The following NAA11 variants were observed in gnomAD, a reference collection of about 807,000 sequenced individuals.
NAA11 encodes N-alpha-acetyltransferase 11.
A neutral mutation model predicts 16.1 loss-of-function variants in NAA11; 15 were observed. The observed-to-expected ratio is 0.93, with a 90% CI of 0.62 to 1.44. The LOEUF is 1.44. NAA11 is among the 40% of genes most tolerant of loss of function. The pLI, the probability that NAA11 is intolerant of heterozygous loss-of-function variation, is 0.00. For synonymous variants in NAA11, 122 were observed against 112.4 expected (o/e 1.09, Z -0.54); for missense variants, 298 against 291.3 (o/e 1.02, Z -0.17).
chr4:79,320,093 T>C (rs1724048725), intron 1 of NAA11, among the ~76,000 whole-genome samples: 1 of 152,214 alleles, frequency 6.6e-6, no homozygotes, highest in Admixed American at 6.5e-5. Context: ...ATATTTCTTG[T>C]CAAGAGATAA....
chr4:79,283,997 A>C (rs1322904740), intron 2 of NAA11, among the ~76,000 whole-genome samples: 1 of 148,634 alleles, frequency 6.7e-6, no homozygotes, highest in African/African-American at 2.6e-5. Flanking sequence ...TGAATGAATG[A>C]AGTGATTGAG....
At chr4:79,189,145 C>CAAA in the NAA11 span, among the ~76,000 whole-genome samples, 441 of 42,278 alleles carry the variant, frequency 0.01, 39 homozygotes, top group African/African-American at 0.028. Context: ...GACTCCATCT[C>CAAA]AAAAAAAAAA....
At chr4:79,222,765 C>T (rs1240413139), downstream of NAA11, among the ~76,000 whole-genome samples, 2 of 151,646 alleles carry the variant, frequency 1.3e-5, no homozygotes, top group Non-Finnish European at 1.5e-5. Context: ...GGCTAATATA[C>T]AGAATCTACA....
chr4:79,180,553 A>T, the NAA11 span, among the ~76,000 whole-genome samples: 6 of 152,190 alleles, frequency 3.9e-5, no homozygotes, highest in East Asian at 5.8e-4. Flanking sequence ...CCAGTTAGAA[A>T]GGCGATCATT....
chr4:79,308,743 A>G (rs974426143), intron 1 of NAA11: 5 of 152,058 alleles, frequency 3.3e-5, no homozygotes, highest in Admixed American at 6.6e-5. Context: ...TGTAATCCTT[A>G]TGTATTTACT....
At chr4:79,194,279 AT>A in the NAA11 span, among the ~76,000 whole-genome samples, 1 of 152,150 alleles carries the variant, frequency 6.6e-6, no homozygotes, top group Admixed American at 6.6e-5. Context: ...TTTTAATGAT[AT>A]TGATTATTCC....
intron 2 of NAA11, chr4:79,259,005 CA>C: frequency 5.4e-6 from 1 of 186,034 alleles, no homozygotes; most frequent in South Asian, 9.7e-5. Context: ...ATGAGAGCTG[CA>C]GAGACAGTGG....
the NAA11 span, among the ~76,000 whole-genome samples, chr4:79,208,848 A>G: frequency 6.6e-6 from 1 of 150,502 alleles, no homozygotes; most frequent in African/African-American, 2.4e-5. Flanking sequence ...GAAAATAAAA[A>G]TAAATAAATT....
At chr4:79,242,116 C>T (rs542028464) in intron 2 of NAA11, among the ~76,000 whole-genome samples, 3 of 152,296 alleles carry the variant, frequency 2.0e-5, no homozygotes, top group South Asian at 4.1e-4. Context: ...TCATCCCCTT[C>T]GAGTTTAAGT....
chr4:79,248,843 C>T (rs1274457018), intron 2 of NAA11, among the ~76,000 whole-genome samples: 1 of 152,188 alleles, frequency 6.6e-6, no homozygotes, highest in Non-Finnish European at 1.5e-5. Flanking sequence ...CACCAGCTCC[C>T]TGCCTTAACC....
At chr4:79,198,836 T>C in the NAA11 span, among the ~76,000 whole-genome samples, 1 of 151,956 alleles carries the variant, frequency 6.6e-6, no homozygotes, top group African/African-American at 2.4e-5. Context: ...CCAATTTTAA[T>C]TCTTGTGTAA....
the NAA11 span, among the ~76,000 whole-genome samples, chr4:79,176,494 T>C: frequency 6.6e-6 from 1 of 152,140 alleles, no homozygotes; most frequent in African/African-American, 2.4e-5. Flanking sequence ...GACAGTCTGC[T>C]GGCAGAGTTC....
chr4:79,156,329 G>GTGTATA, the NAA11 span, among the ~76,000 whole-genome samples: 6 of 149,282 alleles, frequency 4.0e-5, no homozygotes, highest in Non-Finnish European at 7.4e-5. Flanking sequence ...GTGTGTGTGT[G>GTGTATA]TATATATATA....
intron 2 of NAA11, among the ~76,000 whole-genome samples, chr4:79,259,848 C>T (rs1254857703): frequency 6.6e-6 from 1 of 152,160 alleles, no homozygotes; most frequent in Admixed American, 6.5e-5. Context: ...GTTGTTCTCC[C>T]TGACTTTTAT....
At chr4:79,188,869 G>A in the NAA11 span, among the ~76,000 whole-genome samples, 5 of 152,002 alleles carry the variant, frequency 3.3e-5, no homozygotes, top group Non-Finnish European at 5.9e-5. Context: ...ATGAATGAAG[G>A]GCGAAGAAGA....
rs1346421360 is a variant in NAA11, at chr4:79,325,942, AG to A, written c.-66del. On this transcript the variant is annotated 5_prime_UTR_variant, in exon 1 of 2. Transcript: ENST00000286794. ...CCAGAAGAGGCTGTCGCCGACCTTA[AG>A]GGGCACTGTTTGCCTCAGGAATCGA... The A allele has an allele frequency of 4.2e-6, 6 of 1,438,240 alleles. No individual in the cohort carries two copies. Among genetic ancestry groups the A allele is most frequent in the Non-Finnish European group, 5.7e-6 (6 of 1,056,292 alleles). The allele number at this position is 1,438,240 out of a possible 1,614,324, so 89.1% of individuals were successfully genotyped here. A position where few individuals can be genotyped will look rare whatever the true frequency, so the allele number is the denominator to read the frequency against.
At chr4:79,207,406 T>C in the NAA11 span, among the ~76,000 whole-genome samples, 1 of 146,092 alleles carries the variant, frequency 6.8e-6, no homozygotes, top group African/African-American at 2.5e-5. Flanking sequence ...TCTAATCCCT[T>C]AGGATTGTTG....
chr4:79,277,749 G>A (rs1275741557), intron 2 of NAA11, among the ~76,000 whole-genome samples: 3 of 151,822 alleles, frequency 2.0e-5, no homozygotes, highest in Non-Finnish European at 2.9e-5. Flanking sequence ...TTAGCCAATC[G>A]GAATTAGTTT....
At chr4:79,246,563 A>C (rs1031927456) in intron 2 of NAA11, among the ~76,000 whole-genome samples, 1 of 152,216 alleles carries the variant, frequency 6.6e-6, no homozygotes, top group East Asian at 1.9e-4. Context: ...GTGAAAAGTA[A>C]CTAGCAATTA....
Sources: gnomAD v4.1 joint callset for allele counts (sites outside exome capture counted in the v4.1 genomes callset) on GRCh38, gnomAD v4.1.1 for gene constraint, MANE v1.5 for transcripts, NCBI Gene and HGNC (gene_info 2026-07-23, HGNC 2026-07-21) for gene names.